The following MEGF9 variants were observed in gnomAD, a reference collection of about 807,000 sequenced individuals.
The protein encoded by MEGF9 is multiple EGF like domains 9.
MEGF9 carries 6 observed loss-of-function variants against 46.8 expected under a neutral mutation model. The observed-to-expected ratio is 0.13, with a 90% CI of 0.07 to 0.25. The LOEUF is 0.25. MEGF9 is among the 10% of genes least tolerant of loss of function. MEGF9 has a pLI of 1.00. For missense variants in MEGF9, 683 were observed against 792.4 expected, an observed-to-expected ratio of 0.86 and a Z score of 1.66; for synonymous variants, 302 against 330.7, an observed-to-expected ratio of 0.91 and a Z score of 0.94.
intron 2 of MEGF9, among the ~76,000 whole-genome samples, chr9:120,627,131 A>C (rs2043528859): frequency 6.6e-6 from 1 of 152,224 alleles, no homozygotes; most frequent in Admixed American, 6.5e-5. Context: ...TTTGTAGCAA[A>C]AATATGGCTA....
intron 1 of MEGF9, among the ~76,000 whole-genome samples, chr9:120,685,081 G>A (rs538090334): frequency 3.9e-5 from 6 of 152,120 alleles, no homozygotes; most frequent in African/African-American, 7.2e-5. Context: ...TGATCCACCC[G>A]CCTGGGCCTC....
At chr9:120,630,401 C>T (rs1268993029) in intron 2 of MEGF9, among the ~76,000 whole-genome samples, 1 of 152,162 alleles carries the variant, frequency 6.6e-6, no homozygotes, top group Non-Finnish European at 1.5e-5. Context: ...TTTTCTTTAG[C>T]CACTCTTCTG....
intron 2 of MEGF9, among the ~76,000 whole-genome samples, chr9:120,657,013 C>T (rs2043680426): frequency 6.6e-6 from 1 of 152,194 alleles, no homozygotes; most frequent in Non-Finnish European, 1.5e-5. Flanking sequence ...ATATAAACCA[C>T]CATATAAACC....
Position 120,676,609 on chromosome 9 carries a change from G to C in MEGF9, c.602-17034C>G, listed in dbSNP as rs770705704. ...TAAGATTTCTGTTTTTAAGTTACAT[G>C]ATTATGAGATCTTCCATTAAAGGTC... On this transcript the variant is annotated intron_variant, in intron 1 of 5. Coordinates refer to ENST00000373930, the MANE Select transcript of MEGF9 (RefSeq NM_001080497.3). 2.0e-5 allele frequency among the ~76,000 whole-genome samples: 3 copies of C among 152,068 alleles called. No homozygotes were observed. The South Asian group carries it at 6.2e-4, about 32-fold the overall frequency.
chr9:120,623,153 T>G (rs1271534815), intron 2 of MEGF9, among the ~76,000 whole-genome samples: 1 of 152,236 alleles, frequency 6.6e-6, no homozygotes, highest in Non-Finnish European at 1.5e-5. Flanking sequence ...ATAAAGTTAC[T>G]GTCCTCAGCT....
Position 120,714,455 on chromosome 9 carries a change from A to C in MEGF9, c.-97T>G, listed in dbSNP as rs1267453460. The C allele has an allele frequency of 5.7e-6, 6 of 1,050,836 alleles. No homozygotes were observed. The highest frequency in any genetic ancestry group is 4.8e-6 in the Non-Finnish European group (4 of 827,664). The allele number at this position is 1,050,836 out of a possible 1,614,324, so 65.1% of individuals were successfully genotyped here. On this transcript the variant is annotated 5_prime_UTR_variant, in exon 1 of 6. It removes an upstream start codon present in the reference 5' UTR. Transcript: ENST00000373930. The stretch of plus-strand genomic sequence containing the variant: ...CGCCGCCACCGCCACCGGGCGCACC[A>C]TCGCCACCTCCCTCTGACAGGCGGC...
intron 1 of MEGF9, among the ~76,000 whole-genome samples, chr9:120,680,752 T>C (rs2043795262): frequency 6.6e-6 from 1 of 152,066 alleles, no homozygotes. Context: ...CGCGCCACAA[T>C]ACAAAGTCCT....
Position 120,713,740 on chromosome 9 carries a change from AG to A in MEGF9, c.601+17del. The A allele has an allele frequency of 7.8e-7, 1 of 1,283,396 alleles. No individual in the cohort carries two copies. Among genetic ancestry groups the A allele is most frequent in the Non-Finnish European group, 9.8e-7 (1 of 1,016,162 alleles). The allele number at this position is 1,283,396 out of a possible 1,614,324, so 79.5% of individuals were successfully genotyped here. ...GAGGTGAGGACGGGTCCTGCCCGAGAGGGAGCGCCGGACTCACCTGGAGGAG... is the reference window on the plus strand; with the variant it reads ...GAGGTGAGGACGGGTCCTGCCCGAGAGGAGCGCCGGACTCACCTGGAGGAG... On this transcript the variant is annotated intron_variant, in intron 1 of 5. Transcript: ENST00000373930.
chr9:120,683,177 G>A (rs1235079121), intron 1 of MEGF9, among the ~76,000 whole-genome samples: 2 of 152,152 alleles, frequency 1.3e-5, no homozygotes, highest in Admixed American at 6.5e-5. Flanking sequence ...ATCACCTGGA[G>A]AGTACAGTAA....
intron 2 of MEGF9, among the ~76,000 whole-genome samples, chr9:120,631,685 A>T (rs1459061299): frequency 6.6e-6 from 1 of 151,874 alleles, no homozygotes; most frequent in Non-Finnish European, 1.5e-5. Flanking sequence ...GGGTTTTGCC[A>T]TGTTGGCCAG....
intron 1 of MEGF9, among the ~76,000 whole-genome samples, chr9:120,707,674 A>G (rs1375559084): frequency 6.6e-6 from 1 of 152,230 alleles, no homozygotes. Context: ...CTAGTATTAG[A>G]GAATATTAGG....
rs1213985559 is a variant in MEGF9, at chr9:120,615,188, G to A, written c.944-2649C>T. ...CGGAAAGCAGAGGTTGTGGTGAGCCGAGATCACACAATTGCAATCCAGCCT... is the reference window on the plus strand; with the variant it reads ...CGGAAAGCAGAGGTTGTGGTGAGCCAAGATCACACAATTGCAATCCAGCCT... On this transcript the variant is annotated intron_variant, in intron 3 of 5. Transcript: ENST00000373930. Among the ~76,000 whole-genome samples, 5 of 149,780 alleles carry A rather than the reference G, an allele frequency of 3.3e-5. No homozygotes were observed. In the East Asian group the frequency reaches 6.0e-4, roughly 18 times the overall value.
chr9:120,700,475 G>T (rs2043899022), intron 1 of MEGF9, among the ~76,000 whole-genome samples: 2 of 152,170 alleles, frequency 1.3e-5, no homozygotes, highest in African/African-American at 4.8e-5. Flanking sequence ...GGACTATAAT[G>T]TTAGTGCTAT....
chr9:120,684,463 A>C (rs1380110513), intron 1 of MEGF9, among the ~76,000 whole-genome samples: 1 of 152,194 alleles, frequency 6.6e-6, no homozygotes, highest in East Asian at 1.9e-4. Context: ...GGGTTATCTT[A>C]CTTTGTGTTC....
intron 1 of MEGF9, among the ~76,000 whole-genome samples, chr9:120,668,956 T>C (rs563225207): frequency 3.9e-5 from 6 of 152,170 alleles, no homozygotes; most frequent in Non-Finnish European, 8.8e-5. Flanking sequence ...AAAATCAAAC[T>C]TTGCTGCTAA....
intron 2 of MEGF9, among the ~76,000 whole-genome samples, chr9:120,631,880 A>G (rs1243182178): frequency 3.3e-5 from 5 of 152,056 alleles, no homozygotes; most frequent in Non-Finnish European, 5.9e-5. Context: ...TATTTTCACA[A>G]TATTAATTCT....
chr9:120,656,632 T>C (rs1318714029), intron 2 of MEGF9, among the ~76,000 whole-genome samples: 2 of 150,050 alleles, frequency 1.3e-5, no homozygotes, highest in African/African-American at 2.4e-5. Context: ...ATATGCTCAA[T>C]AATGGTTCCC....
rs528374892 is a variant in MEGF9, at chr9:120,626,997, G to A, written c.804-4242C>T. Among the ~76,000 whole-genome samples the A allele has an allele frequency of 7.1e-4, 108 of 152,220 alleles. 2 individuals are homozygous for A. The South Asian group carries it at 0.022, about 31-fold the overall frequency. On this transcript the variant is annotated intron_variant, in intron 2 of 5. Transcript: ENST00000373930. Reference sequence around the variant, plus strand: ...TAAGGAAAGTAGGTTAGAATTCCCAGTTGGCAAAGACAGGGAAGACTAAGT... The same window carrying A: ...TAAGGAAAGTAGGTTAGAATTCCCAATTGGCAAAGACAGGGAAGACTAAGT...
Position 120,659,493 on chromosome 9 carries a change from T to G in MEGF9, c.684A>C (p.Pro228=), listed in dbSNP as rs763942638. The G allele has an allele frequency of 6.2e-7, 1 of 1,613,718 alleles. No homozygotes were observed. Among genetic ancestry groups the G allele is most frequent in the Admixed American group, 1.7e-5 (1 of 59,964 alleles). Residue 228 remains proline (P), a synonymous_variant, in exon 2 of 6, where the codon CCA becomes CCC. Coordinates refer to ENST00000373930, the MANE Select transcript of MEGF9 (RefSeq NM_001080497.3). ...NQTTGQCECR[P]GYQGLHCETC... Reference sequence around the variant, plus strand: ...TTTCACAGTGAAGCCCCTGATAACCTGGCCGACACTCACACTGCCCTGTGG... The same window carrying G: ...TTTCACAGTGAAGCCCCTGATAACCGGGCCGACACTCACACTGCCCTGTGG...
Sources: allele counts gnomAD v4.1 joint callset (sites outside exome capture counted in the v4.1 genomes callset), GRCh38; gene constraint gnomAD v4.1.1; transcripts MANE v1.5; gene names NCBI Gene and HGNC (gene_info 2026-07-23, HGNC 2026-07-21).